Variants in GTF2A1L observed in about 807,000 individuals in gnomAD.
GTF2A1L encodes general transcription factor IIA subunit 1 like, also known as TFIIA-alpha and beta-like factor.
In GTF2A1L, 48 loss-of-function variants were observed where a neutral mutation model predicts 49.7. The ratio of observed to expected loss-of-function variants is 0.97; its 90% confidence interval spans 0.77 to 1.23. GTF2A1L has a LOEUF of 1.23. Among genes scored for constraint, GTF2A1L ranks in the 50% most tolerant of loss-of-function variants. The pLI is 0.00. For missense variants in GTF2A1L, 736 were observed against 564.8 expected (o/e 1.30, Z -3.07); for synonymous variants, 246 against 193.5 (o/e 1.27, Z -2.25).
At chr2:48,675,351 G>A (rs1488063614) in intron 8 of GTF2A1L, among the ~76,000 whole-genome samples, 1 of 152,086 alleles carries the variant, frequency 6.6e-6, no homozygotes, top group African/African-American at 2.4e-5. Context: ...TTGTATGGCC[G>A]TTAAATTTTG....
At chr2:48,639,678 A>G (rs1380195976) in intron 3 of GTF2A1L, among the ~76,000 whole-genome samples, 1 of 152,240 alleles carries the variant, frequency 6.6e-6, no homozygotes, top group African/African-American at 2.4e-5. Context: ...AGCAATCACA[A>G]GAAAAGCAAA....
At chr2:48,656,196 G>T (rs1030792027) in intron 6 of GTF2A1L, among the ~76,000 whole-genome samples, 1 of 151,974 alleles carries the variant, frequency 6.6e-6, no homozygotes, top group Non-Finnish European at 1.5e-5. Context: ...GATATATATG[G>T]AGAAATGGAA....
At chr2:48,670,964 C>T (rs987414227) in intron 7 of GTF2A1L, among the ~76,000 whole-genome samples, 1 of 152,098 alleles carries the variant, frequency 6.6e-6, no homozygotes, top group South Asian at 2.1e-4. Context: ...GCTAGGATTA[C>T]AGGCACACCA....
chr2:48,645,068 T>C lies in GTF2A1L; in HGVS notation c.339T>C (p.Pro113=). ...ACTCCAGTGCAAACTTTACTTTTCC[T>C]GGTTATCCCATTCATGTACCAGCAG... ...TSNSSANFTF[P]GYPIHVPAGV... Residue 113 remains proline, a synonymous_variant, in exon 5 of 9, where the codon CCT becomes CCC. Coordinates refer to ENST00000403751, the MANE Select transcript of GTF2A1L (RefSeq NM_006872.5). 1 of 1,612,944 alleles carries C rather than the reference T, an allele frequency of 6.2e-7. No individual in the cohort carries two copies. Among genetic ancestry groups the C allele is most frequent in the South Asian group, 1.1e-5 (1 of 90,774 alleles).
At chr2:48,645,815 A>AT (rs901118667) in intron 5 of GTF2A1L, among the ~76,000 whole-genome samples, 2 of 151,966 alleles carry the variant, frequency 1.3e-5, no homozygotes, top group Non-Finnish European at 2.9e-5. Context: ...CGCCCGGCTA[A>AT]TTTTTTGTAT....
intron 2 of GTF2A1L, 78 bp from the exon 3 acceptor site, chr2:48,621,089 A>C: frequency 6.5e-7 from 1 of 1,528,252 alleles, no homozygotes; most frequent in East Asian, 2.4e-5. Flanking sequence ...GTTAGTTTTT[A>C]AGAAACTGAA....
At chr2:48,674,876 C>A (rs1679381876) in intron 8 of GTF2A1L, among the ~76,000 whole-genome samples, 1 of 151,804 alleles carries the variant, frequency 6.6e-6, no homozygotes, top group Non-Finnish European at 1.5e-5. Flanking sequence ...TATCTGAGAA[C>A]CCTTCTACTT....
At chr2:48,678,819 T>C (rs1190509893) in intron 8 of GTF2A1L, among the ~76,000 whole-genome samples, 3 of 152,028 alleles carry the variant, frequency 2.0e-5, no homozygotes, top group Non-Finnish European at 2.9e-5. Context: ...TTTGCAGACA[T>C]ACTGGACTCT....
chr2:48,664,888 C>G (rs545617003), intron 6 of GTF2A1L, among the ~76,000 whole-genome samples: 78 of 152,176 alleles, frequency 5.1e-4, no homozygotes, highest in African/African-American at 1.9e-3. Flanking sequence ...CTCTTTCTCT[C>G]TCTGTCTGTC....
chr2:48,659,095 C>G (rs1357791315), intron 6 of GTF2A1L, among the ~76,000 whole-genome samples: 1 of 152,068 alleles, frequency 6.6e-6, no homozygotes, highest in Non-Finnish European at 1.5e-5. Context: ...CATGACTTGA[C>G]TTTTTTCTCT....
rs1395456589 is a variant in GTF2A1L at position 48,629,231 on chromosome 2, A to T, written c.247+7941A>T. On this transcript the variant is annotated intron_variant, in intron 3 of 8. Coordinates refer to ENST00000403751, the MANE Select transcript of GTF2A1L (RefSeq NM_006872.5). ...ACTCTAGCCTGGGCAACAGAGCGAG[A>T]CTCCGTCTCAAAAAAAAAAAAAGTG... 1.0e-4 allele frequency among the ~76,000 whole-genome samples: 14 copies of T among 138,498 alleles called. 1 individual carries two copies. The highest frequency in any genetic ancestry group is 2.1e-4 in the Non-Finnish European group (13 of 61,826). The allele number at this position is 138,498 out of a possible 152,430, so 90.9% of individuals were successfully genotyped here.
chr2:48,631,309 A>G (rs895486417), intron 3 of GTF2A1L, among the ~76,000 whole-genome samples: 1 of 152,072 alleles, frequency 6.6e-6, no homozygotes, highest in Non-Finnish European at 1.5e-5. Flanking sequence ...GGAACTCGAT[A>G]TTGGTCTGTT....
In GTF2A1L at chr2:48,620,943, C is replaced by T. The variant is rs776307223; in HGVS notation, c.114C>T (p.Asp38=). The change falls in exon 2 of 9, where the codon GAC becomes GAT. Residue 38 remains aspartate (D), a synonymous_variant. Transcript: ENST00000403751. ...GTATAGAGGAACAAGTTTTAAAAGACTTGAAGCAGGTTTGTAGCCGATACA... is the reference window on the plus strand; with the variant it reads ...GTATAGAGGAACAAGTTTTAAAAGATTTGAAGCAGGTTTGTAGCCGATACA... The part of the protein sequence containing the change: ...EEGIEEQVLK[D]LKQLWETKVL... 6.9e-6 allele frequency: 11 copies of T among 1,597,284 alleles called. No individual in the cohort carries two copies. In the South Asian group the frequency reaches 1.2e-4, roughly 17 times the overall value.
At position 48,646,783 on chromosome 2, in the gene GTF2A1L, A is replaced by G. The variant is rs777546234; in HGVS notation, c.719A>G (p.His240Arg). The G allele has an allele frequency of 1.9e-5, 30 of 1,614,072 alleles. No individual in the cohort carries two copies. In the Middle Eastern group the frequency reaches 9.9e-4, roughly 53 times the overall value. The change falls in exon 6 of 9, where the codon CAC becomes CGC. Residue 240 changes from histidine to arginine, a missense_variant. Coordinates refer to ENST00000403751, the MANE Select transcript of GTF2A1L (RefSeq NM_006872.5). ...TTGTTGTGTCATCAGGAAAGTTCTCACTATATCAGTCTTCCAGGTGTTGTA... is the reference window on the plus strand; with the variant it reads ...TTGTTGTGTCATCAGGAAAGTTCTCGCTATATCAGTCTTCCAGGTGTTGTA... ...EALLCHQESS[H>R]YISLPGVVFS...
At chr2:48,664,832 C>T (rs1678722153) in intron 6 of GTF2A1L, among the ~76,000 whole-genome samples, 1 of 152,114 alleles carries the variant, frequency 6.6e-6, no homozygotes, top group South Asian at 2.1e-4. Flanking sequence ...AACATCCCTT[C>T]TTTAATTCTT....
chr2:48,658,852 T>C (rs1156473242), intron 6 of GTF2A1L, among the ~76,000 whole-genome samples: 1 of 152,158 alleles, frequency 6.6e-6, no homozygotes, highest in Non-Finnish European at 1.5e-5. Flanking sequence ...TTGTCTTTTT[T>C]ATTGTGCTTA....
At chr2:48,646,390 T>G (rs1572730367) in intron 5 of GTF2A1L, 63 bp from the exon 6 acceptor site, 4 of 1,314,486 alleles carry the variant, frequency 3.0e-6, no homozygotes, top group Non-Finnish European at 9.9e-7. Context: ...TTTTTTTTTG[T>G]GGTGGTTGTC....
chr2:48,651,143 T>C (rs1677822603), intron 6 of GTF2A1L, among the ~76,000 whole-genome samples: 1 of 152,136 alleles, frequency 6.6e-6, no homozygotes, highest in Non-Finnish European at 1.5e-5. Flanking sequence ...AGAAGCCACA[T>C]ACAATCAAAG....
intron 4 of GTF2A1L, among the ~76,000 whole-genome samples, chr2:48,643,252 T>C (rs576429765): frequency 4.6e-5 from 7 of 152,310 alleles, no homozygotes; most frequent in Admixed American, 4.6e-4. Flanking sequence ...AGGCAGAAGA[T>C]ACATTTACAA....
Sources: gnomAD v4.1 joint callset for allele counts (sites outside exome capture counted in the v4.1 genomes callset) on GRCh38, gnomAD v4.1.1 for gene constraint, MANE v1.5 for transcripts, NCBI Gene and HGNC (gene_info 2026-07-23, HGNC 2026-07-21) for gene names.